Variants in ARHGEF1 observed in about 807,000 individuals in gnomAD.
ARHGEF1 encodes the protein Rho guanine nucleotide exchange factor 1.
A neutral mutation model predicts 119.7 loss-of-function variants in ARHGEF1; 40 were observed. That is an observed-to-expected ratio of 0.33 (90% confidence interval 0.26 to 0.44). ARHGEF1 has a LOEUF of 0.44. Among genes scored for constraint, ARHGEF1 ranks in the 20% least tolerant of loss-of-function variants. The pLI, the probability that ARHGEF1 is intolerant of heterozygous loss-of-function variation, is 1.00. For synonymous variants in ARHGEF1, 494 were observed against 521.0 expected (o/e 0.95, Z 0.71); for missense variants, 976 against 1,268.3 (o/e 0.77, Z 3.50).
At chr19:41,894,137 T>TGA in intron 8 of ARHGEF1, 70 bp from the exon 9 acceptor site, 3 of 669,112 alleles carry the variant, frequency 4.5e-6, no homozygotes, top group Non-Finnish European at 4.7e-6. Flanking sequence ...TGTGTGTGAG[T>TGA]GTGTGTGTGT....
intron 4 of ARHGEF1, chr19:41,890,222 C>A (rs2074353890): frequency 6.6e-6 from 1 of 151,982 alleles, no homozygotes; most frequent in African/African-American, 2.4e-5. Context: ...CCTGGTGGTT[C>A]ATGACTGTAG....
chr19:41,920,151 C>T (rs1413193506), upstream of ARHGEF1, among the ~76,000 whole-genome samples: 3 of 123,220 alleles, frequency 2.4e-5, no homozygotes, highest in African/African-American at 1.1e-4. Context: ...ACATGACACG[C>T]CCAGACATGA....
Position 41,917,460 on chromosome 19 carries a change from T to G in ARHGEF1, c.1866-5632T>G, listed in dbSNP as rs2074808607. 6.7e-6 allele frequency among the ~76,000 whole-genome samples: 1 copy of G among 149,410 alleles called. No homozygotes were observed. The highest frequency in any genetic ancestry group is 2.1e-4 in the South Asian group (1 of 4,730). ...CCTCGCACCCCCACCACCAGCCCCT[T>G]CATCCCTCACCCAGGCCCCCCCATC... On this transcript the variant is annotated intron_variant, in intron 18 of 20. Coordinates refer to the ARHGEF1 transcript ENST00000599589. The surrounding 1 kb of genome is among the most constrained non-coding windows in gnomAD (Gnocchi z 4.8).
upstream of ARHGEF1, among the ~76,000 whole-genome samples, chr19:41,922,242 T>C (rs2074846762): frequency 1.3e-5 from 2 of 151,876 alleles, no homozygotes; most frequent in South Asian, 4.2e-4. Context: ...AAGAGTGTAC[T>C]GAGGAAATTA....
upstream of ARHGEF1, among the ~76,000 whole-genome samples, chr19:41,922,364 A>G (rs571470488): frequency 2.0e-5 from 3 of 152,296 alleles, no homozygotes; most frequent in Admixed American, 6.5e-5. Context: ...GAGGAGGGCA[A>G]AGAGACAGGG....
rs1447048556 is a variant in ARHGEF1 at position 41,904,654 on chromosome 19, CT to C, written c.2161+272del. Among the ~76,000 whole-genome samples the C allele has an allele frequency of 6.6e-6, 1 of 152,100 alleles. No homozygotes were observed. The highest frequency in any genetic ancestry group is 1.5e-5 in the Non-Finnish European group (1 of 67,992). ...CAGTGAGGAGGGATTTGTAAACATA[CT>C]ACTAGGAAGTTGCACCAGGGCCACA... On this transcript the variant is annotated intron_variant, in intron 22 of 28. Coordinates refer to ENST00000354532, the MANE Select transcript of ARHGEF1 (RefSeq NM_004706.4). This position sits in a 1 kb window ranked among gnomAD's most constrained non-coding sequence, Gnocchi z 8.4.
intron 1 of ARHGEF1, among the ~76,000 whole-genome samples, chr19:41,926,808 C>T (rs1213204138): frequency 6.6e-6 from 1 of 152,270 alleles, no homozygotes; most frequent in African/African-American, 2.4e-5. Flanking sequence ...TCGCTATTTC[C>T]CTTTGTTGCC....
Position 41,902,268 on chromosome 19 carries a change from C to G in ARHGEF1, c.1415-6C>G, listed in dbSNP as rs781849583. The G allele has an allele frequency of 1.9e-6, 3 of 1,614,046 alleles. No individual in the cohort carries two copies. Among genetic ancestry groups the G allele is most frequent in the South Asian group, 1.1e-5 (1 of 91,092 alleles). The stretch of plus-strand genomic sequence containing the variant: ...GTGGAGCATCCCTTTCCTCCTGCCC[C>G]CACAGCCCTGTTCCTCGATCGCCTG... On this transcript the variant is annotated splice_region_variant and splice_polypyrimidine_tract_variant and intron_variant, in intron 15 of 28. Coordinates refer to ENST00000354532, the MANE Select transcript of ARHGEF1 (RefSeq NM_004706.4). This position sits in a 1 kb window ranked among gnomAD's most constrained non-coding sequence, Gnocchi z 6.5.
intron 8 of ARHGEF1, 72 bp from the exon 9 acceptor site, chr19:41,894,135 A>AGTGTGTGTGAGTGTGTGTGT (rs2074433987): frequency 2.3e-6 from 1 of 442,016 alleles, no homozygotes; most frequent in African/African-American, 2.4e-5. Flanking sequence ...TGTGTGTGTG[A>AGTGTGTGTGAGTGTGTGTGT]GTGTGTGTGT....
chr19:41,909,377 G>A (rs2074740147), downstream of ARHGEF1: 1 of 1,236,940 alleles, frequency 8.1e-7, no homozygotes, highest in East Asian at 3.2e-5. This position sits in a 1 kb window ranked among gnomAD's most constrained non-coding sequence, Gnocchi z 5.2. Flanking sequence ...ATGTCCAGCA[G>A]CGGGTAATTG....
chr19:41,898,074 G>A, intron 13 of ARHGEF1: 3 of 1,355,558 alleles, frequency 2.2e-6, no homozygotes, highest in South Asian at 3.8e-5. Context: ...ATGGACCCCA[G>A]TTCCGCCACG....
At chr19:41,918,467 CCA>C (rs1432116168), upstream of ARHGEF1, among the ~76,000 whole-genome samples, 12 of 149,380 alleles carry the variant, frequency 8.0e-5, no homozygotes, top group Non-Finnish European at 1.0e-4. Flanking sequence ...CACCTACACA[CCA>C]CACACGCACC....
In ARHGEF1 at chr19:41,916,449, G is replaced by C. The variant is rs975125647; in HGVS notation, c.1866-6643G>C. On this transcript the variant is annotated intron_variant, in intron 18 of 20. Coordinates refer to the ARHGEF1 transcript ENST00000599589. This position sits in a 1 kb window ranked among gnomAD's most constrained non-coding sequence, Gnocchi z 5.4. ...CACACACATCAGCATAGTCACAGAT[G>C]CACAGAAACAGACACACAGTTTTAC... 1.3e-5 allele frequency among the ~76,000 whole-genome samples: 2 copies of C among 151,646 alleles called. No homozygotes were observed. Among genetic ancestry groups the C allele is most frequent in the African/African-American group, 4.9e-5 (2 of 41,202 alleles).
downstream of ARHGEF1, chr19:41,908,407 C>T: frequency 8.1e-7 from 1 of 1,231,268 alleles, no homozygotes; most frequent in East Asian, 3.2e-5. The surrounding 1 kb of genome is among the most constrained non-coding windows in gnomAD (Gnocchi z 6.7). Context: ...AGGCGAGGGG[C>T]CGCTGCCAGG....
chr19:41,925,831 G>T (rs1254216206), intron 1 of ARHGEF1, among the ~76,000 whole-genome samples: 5 of 152,146 alleles, frequency 3.3e-5, no homozygotes, highest in Admixed American at 1.3e-4. Flanking sequence ...TGGAAGGGCA[G>T]GTGTTGGGGT....
Position 41,907,338 on chromosome 19 carries a change from C to T in ARHGEF1, c.*251C>T. 3 of 1,534,918 alleles carry T rather than the reference C, an allele frequency of 2.0e-6. No individual in the cohort carries two copies. The highest frequency in any genetic ancestry group is 2.6e-6 in the Non-Finnish European group (3 of 1,146,448). On this transcript the variant is annotated 3_prime_UTR_variant, in exon 29 of 29. Coordinates refer to ENST00000354532, the MANE Select transcript of ARHGEF1 (RefSeq NM_004706.4). ...CTGGAGGGCACCACGGTGACCCGGGCCATCTCAGTATTGCCTGTGGGGGCC... is the reference window on the plus strand; with the variant it reads ...CTGGAGGGCACCACGGTGACCCGGGTCATCTCAGTATTGCCTGTGGGGGCC...
rs2145862937 is a variant in ARHGEF1, at chr19:41,905,115, GA to G, written c.2250-59del. On this transcript the variant is annotated intron_variant, in intron 23 of 28. Transcript: ENST00000354532. The surrounding 1 kb of genome is among the most constrained non-coding windows in gnomAD (Gnocchi z 6.4). The stretch of plus-strand genomic sequence containing the variant: ...TTCCCAGGGACAGGAGGGCTGTGGG[GA>G]GGCCCTGGCATAGGGTCTGGGGGCT... The G allele has an allele frequency of 1.2e-6, 2 of 1,608,698 alleles. No individual in the cohort carries two copies. The highest frequency in any genetic ancestry group is 1.7e-6 in the Non-Finnish European group (2 of 1,175,110).
Position 41,906,720 on chromosome 19 carries a change from T to C in ARHGEF1, c.2673T>C (p.Phe891=). 6.2e-7 allele frequency: 1 copy of C among 1,608,874 alleles called. No individual in the cohort carries two copies. The highest frequency in any genetic ancestry group is 8.5e-7 in the Non-Finnish European group (1 of 1,178,100). Residue 891 remains phenylalanine (F), a synonymous_variant, in exon 28 of 29, where the codon TTT becomes TTC. Transcript: ENST00000354532. The surrounding 1 kb of genome is among the most constrained non-coding windows in gnomAD (Gnocchi z 4.5). ...MKQLEELEEE[F]CRLRPLLSQL... is the part of the protein sequence containing the mutation. Reference sequence around the variant, plus strand: ...CCCACCAGGAGTTGGAGGAGGAATTTTGCCGCCTGAGACCCCTCCTGTCTC... The same window carrying C: ...CCCACCAGGAGTTGGAGGAGGAATTCTGCCGCCTGAGACCCCTCCTGTCTC...
intron 13 of ARHGEF1, chr19:41,897,745 G>C: frequency 2.1e-6 from 1 of 480,530 alleles, no homozygotes; most frequent in Non-Finnish European, 3.5e-6. Context: ...CCCTGTCCTG[G>C]TCTCTCCCCG....
Sources: gnomAD v4.1 joint callset for allele counts (sites outside exome capture counted in the v4.1 genomes callset) on GRCh38, gnomAD v4.1.1 for gene constraint, Gnocchi (gnomAD v3.1) non-coding constraint, MANE v1.5 for transcripts, NCBI Gene and HGNC (gene_info 2026-07-23, HGNC 2026-07-21) for gene names.